The following SLC24A2 variants were observed in gnomAD, a reference collection of about 807,000 sequenced individuals.
The protein encoded by SLC24A2 is solute carrier family 24 member 2, also known as sodium/potassium/calcium exchanger 2.
SLC24A2 carries 36 observed loss-of-function variants against 62.0 expected under a neutral mutation model. That is an observed-to-expected ratio of 0.58 (90% CI 0.44 to 0.77). SLC24A2 has a LOEUF of 0.77. Among genes scored for constraint, SLC24A2 ranks in the 30% least tolerant of loss-of-function variants. SLC24A2 has a pLI of 0.00. For missense variants in SLC24A2, 846 were observed against 817.9 expected (o/e 1.03, Z -0.42); for synonymous variants, 358 against 294.0 (o/e 1.22, Z -2.23).
the SLC24A2 span, among the ~76,000 whole-genome samples, chr9:19,873,234 T>C: frequency 1.3e-5 from 2 of 149,696 alleles, no homozygotes; most frequent in Admixed American, 1.3e-4. Flanking sequence ...CCTTCCTTCG[T>C]CTTCCTCCTC....
intron 2 of SLC24A2, among the ~76,000 whole-genome samples, chr9:19,731,115 C>T (rs1477920251): frequency 6.6e-5 from 10 of 152,246 alleles, no homozygotes; most frequent in Non-Finnish European, 1.5e-5. Context: ...TTTAGCAATT[C>T]TTCTCATTTA....
the SLC24A2 span, among the ~76,000 whole-genome samples, chr9:20,277,360 A>C: frequency 6.6e-6 from 1 of 151,730 alleles, no homozygotes; most frequent in African/African-American, 2.4e-5. Flanking sequence ...AATATCCAGA[A>C]TCTACAAAGA....
At chr9:19,561,410 G>A (rs945206116) in intron 7 of SLC24A2, among the ~76,000 whole-genome samples, 2 of 150,818 alleles carry the variant, frequency 1.3e-5, no homozygotes, top group African/African-American at 2.4e-5. Flanking sequence ...TAAACCAACA[G>A]AGCTAACAGT....
the SLC24A2 span, among the ~76,000 whole-genome samples, chr9:20,280,187 C>T: frequency 7.5e-3 from 1,144 of 152,232 alleles, 12 homozygotes; most frequent in African/African-American, 0.024. Flanking sequence ...AATGGGGCTC[C>T]GAAGAAAGTT....
At chr9:19,970,618 G>T in the SLC24A2 span, among the ~76,000 whole-genome samples, 4 of 152,074 alleles carry the variant, frequency 2.6e-5, no homozygotes, top group Non-Finnish European at 5.9e-5. Flanking sequence ...AAGTTCATTT[G>T]TTGAGAATAC....
chr9:20,191,718 G>C, the SLC24A2 span, among the ~76,000 whole-genome samples: 1 of 151,486 alleles, frequency 6.6e-6, no homozygotes, highest in Admixed American at 6.6e-5. Context: ...AAATGTGGTG[G>C]TAAGTGCCCT....
the SLC24A2 span, among the ~76,000 whole-genome samples, chr9:20,073,919 G>GATATATATATATATAT: frequency 5.0e-5 from 7 of 140,792 alleles, no homozygotes; most frequent in African/African-American, 1.8e-4. Context: ...CTTGTGGGGA[G>GATATATATATATATAT]ATATATATAT....
At chr9:19,851,689 T>C in the SLC24A2 span, among the ~76,000 whole-genome samples, 2 of 152,212 alleles carry the variant, frequency 1.3e-5, no homozygotes, top group African/African-American at 2.4e-5. Context: ...TAGTATTCCA[T>C]GGTGTGTATG....
At chr9:19,818,296 G>A in the SLC24A2 span, among the ~76,000 whole-genome samples, 2 of 152,106 alleles carry the variant, frequency 1.3e-5, no homozygotes, top group African/African-American at 2.4e-5. Context: ...GGCTAGCTAG[G>A]AGAGCCAGAG....
At chr9:20,305,399 C>A in the SLC24A2 span, among the ~76,000 whole-genome samples, 1 of 152,084 alleles carries the variant, frequency 6.6e-6, no homozygotes, top group South Asian at 2.1e-4. Context: ...GCCACCGCGC[C>A]CAGCCGATAA....
chr9:19,635,167 A>C (rs1452207786), intron 2 of SLC24A2, among the ~76,000 whole-genome samples: 1 of 152,236 alleles, frequency 6.6e-6, no homozygotes, highest in Non-Finnish European at 1.5e-5. Context: ...TGAAGCCAGG[A>C]GGTACTGATA....
intron 2 of SLC24A2, among the ~76,000 whole-genome samples, chr9:19,780,309 C>T (rs1236467274): frequency 6.6e-6 from 1 of 150,736 alleles, no homozygotes; most frequent in Admixed American, 6.6e-5. Context: ...ACTCTGTCGC[C>T]CAGGCTGCAG....
the SLC24A2 span, among the ~76,000 whole-genome samples, chr9:20,143,856 T>C: frequency 2.6e-5 from 4 of 152,356 alleles, no homozygotes; most frequent in Middle Eastern, 3.4e-3. Context: ...TATACACATA[T>C]GACTCTAATA....
At chr9:20,203,989 CCTT>C in the SLC24A2 span, among the ~76,000 whole-genome samples, 1 of 152,060 alleles carries the variant, frequency 6.6e-6, no homozygotes, top group African/African-American at 2.4e-5. Flanking sequence ...ACATTACTCT[CCTT>C]AACTGAATTA....
chr9:20,105,038 G>C, the SLC24A2 span, among the ~76,000 whole-genome samples: 1 of 152,008 alleles, frequency 6.6e-6, no homozygotes, highest in Non-Finnish European at 1.5e-5. Context: ...AAAAGGTAGG[G>C]GTTGCAATCC....
chr9:20,051,787 G>C, the SLC24A2 span, among the ~76,000 whole-genome samples: 1 of 148,240 alleles, frequency 6.7e-6, no homozygotes, highest in Non-Finnish European at 1.5e-5. Context: ...TTAATTTTTA[G>C]GACTCGAACA....
the SLC24A2 span, among the ~76,000 whole-genome samples, chr9:20,261,733 C>T: frequency 2.0e-3 from 154 of 75,240 alleles, no homozygotes; most frequent in South Asian, 3.5e-3. Context: ...AACACCAAAT[C>T]TTTTTTTTTT....
At chr9:20,161,389 C>T in the SLC24A2 span, among the ~76,000 whole-genome samples, 1 of 151,352 alleles carries the variant, frequency 6.6e-6, no homozygotes, top group East Asian at 2.0e-4. Flanking sequence ...GTAAGTGTAA[C>T]ATTGATACAG....
chr9:19,779,331 C>CTT (rs1010145566), intron 2 of SLC24A2, among the ~76,000 whole-genome samples: 4 of 152,174 alleles, frequency 2.6e-5, no homozygotes, highest in Admixed American at 1.3e-4. Flanking sequence ...ATGCCAAACA[C>CTT]TCAAAGCAAA....
Sources: gnomAD v4.1 joint callset for allele counts (sites outside exome capture counted in the v4.1 genomes callset) on GRCh38, gnomAD v4.1.1 for gene constraint, MANE v1.5 for transcripts, NCBI Gene and HGNC (gene_info 2026-07-23, HGNC 2026-07-21) for gene names.